AP1S3: variants seen among roughly 807,000 people sequenced by gnomAD.
The protein encoded by AP1S3 is adaptor related protein complex 1 subunit sigma 3.
A neutral mutation model predicts 20.9 loss-of-function variants in AP1S3; 10 were observed. The observed-to-expected ratio is 0.48, with a 90% CI of 0.29 to 0.81. The LOEUF is 0.81. Among genes scored for constraint, AP1S3 ranks in the 30% least tolerant of loss-of-function variants. The pLI is 0.08. For missense variants in AP1S3, 154 were observed against 183.8 expected, an observed-to-expected ratio of 0.84 and a Z score of 0.94; for synonymous variants, 41 against 61.5, an observed-to-expected ratio of 0.67 and a Z score of 1.56.
chr2:223,824,272 G>A (rs1035469621), intron 1 of AP1S3, among the ~76,000 whole-genome samples: 2 of 152,038 alleles, frequency 1.3e-5, no homozygotes, highest in East Asian at 3.9e-4. Flanking sequence ...CAAAGTGCGG[G>A]GATTATAGAT....
chr2:223,787,294 A>T (rs545193405), intron 1 of AP1S3, among the ~76,000 whole-genome samples: 102 of 152,292 alleles, frequency 6.7e-4, no homozygotes, highest in African/African-American at 2.2e-3. Context: ...TTCTTTATAA[A>T]TTACCCAGTC....
At chr2:223,765,052 G>T in intron 4 of AP1S3, 161 bp downstream of exon 4, 2 of 1,024,318 alleles carry the variant, frequency 2.0e-6, no homozygotes, top group Non-Finnish European at 2.6e-6. Context: ...CTACTTTTTC[G>T]AGTTGTTGTG....
rs1258810034 is a variant in AP1S3 at position 223,756,209 on chromosome 2, T to G, written c.*2506A>C. On this transcript the variant is annotated 3_prime_UTR_variant, in exon 5 of 5. Coordinates refer to ENST00000396654, the MANE Select transcript of AP1S3 (RefSeq NM_001039569.2). The stretch of plus-strand genomic sequence containing the variant: ...AAAATTAGCCAGGCGTGGTGGCGCA[T>G]GCCTATAATCCCAGCTACTCGGGAG... The G allele has an allele frequency of 4.2e-6, 1 of 240,582 alleles. No homozygotes were observed. Among genetic ancestry groups the G allele is most frequent in the Non-Finnish European group, 6.7e-6 (1 of 149,300 alleles). The allele number at this position is 240,582 out of a possible 1,614,324, so 14.9% of individuals were successfully genotyped here. A position where few individuals can be genotyped will look rare whatever the true frequency, so the allele number is the denominator to read the frequency against.
At chr2:223,825,312 C>CAAAAAA (rs3080005) in intron 1 of AP1S3, among the ~76,000 whole-genome samples, 1 of 146,118 alleles carries the variant, frequency 6.8e-6, no homozygotes, top group Non-Finnish European at 1.5e-5. Context: ...GACTCCGTCT[C>CAAAAAA]AAAAAAAAAA....
chr2:223,777,891 A>T (rs546398522), intron 1 of AP1S3, 22 bp from the exon 2 acceptor site: 1 of 1,597,102 alleles, frequency 6.3e-7, no homozygotes, highest in African/African-American at 1.3e-5. Context: ...GACACAAAAA[A>T]CAGAACCTGA....
intron 4 of AP1S3, among the ~76,000 whole-genome samples, chr2:223,761,642 T>G (rs2106075632): frequency 6.6e-6 from 1 of 152,272 alleles, no homozygotes; most frequent in Admixed American, 6.5e-5. Flanking sequence ...CCTAGGCTGG[T>G]CTCAAAACTC....
intron 1 of AP1S3, among the ~76,000 whole-genome samples, chr2:223,806,621 G>C (rs1691589806): frequency 6.6e-6 from 1 of 152,064 alleles, no homozygotes; most frequent in African/African-American, 2.4e-5. Context: ...AGCTGTATAT[G>C]ACATAATTTA....
At chr2:223,764,851 T>A (rs922726620) in intron 4 of AP1S3, among the ~76,000 whole-genome samples, 1 of 152,212 alleles carries the variant, frequency 6.6e-6, no homozygotes. Context: ...AGTGAAGGAC[T>A]CTTGCACTCC....
intron 1 of AP1S3, among the ~76,000 whole-genome samples, chr2:223,781,999 T>C (rs78280484): frequency 0.033 from 5,056 of 151,358 alleles, 170 homozygotes; most frequent in East Asian, 0.16. Context: ...GATTTGGAGA[T>C]AGGCTTTAAG....
At chr2:223,773,645 G>A (rs1690683917) in intron 3 of AP1S3, among the ~76,000 whole-genome samples, 1 of 152,142 alleles carries the variant, frequency 6.6e-6, no homozygotes, top group South Asian at 2.1e-4. Flanking sequence ...AATCTTTCCA[G>A]TGTTCATCCT....
intron 1 of AP1S3, among the ~76,000 whole-genome samples, chr2:223,779,761 A>T (rs1690878101): frequency 6.6e-6 from 1 of 152,140 alleles, no homozygotes; most frequent in African/African-American, 2.4e-5. Flanking sequence ...TGAGGTCAGG[A>T]GTTCAAGACC....
At chr2:223,799,550 A>G (rs559829031) in intron 1 of AP1S3, among the ~76,000 whole-genome samples, 1 of 152,284 alleles carries the variant, frequency 6.6e-6, no homozygotes, top group East Asian at 1.9e-4. Context: ...AAAAATCATC[A>G]CTGTTGTTTT....
At chr2:223,789,780 G>A (rs943576891) in intron 1 of AP1S3, among the ~76,000 whole-genome samples, 59 of 149,174 alleles carry the variant, frequency 4.0e-4, no homozygotes, top group African/African-American at 1.4e-3. Flanking sequence ...AGAGGTTGCC[G>A]TGAGCCGAGA....
intron 1 of AP1S3, among the ~76,000 whole-genome samples, chr2:223,831,920 C>CA (rs905465086): frequency 6.6e-6 from 1 of 151,688 alleles, no homozygotes; most frequent in Non-Finnish European, 1.5e-5. Flanking sequence ...ATTAAAAATA[C>CA]AAAAAAATTA....
intron 1 of AP1S3, among the ~76,000 whole-genome samples, chr2:223,832,883 C>T (rs1692309457): frequency 6.8e-6 from 1 of 146,856 alleles, no homozygotes; most frequent in Non-Finnish European, 1.5e-5. Flanking sequence ...TAAGAAATGG[C>T]TTTCCAGTTC....
At chr2:223,828,283 T>C (rs1692180254) in intron 1 of AP1S3, among the ~76,000 whole-genome samples, 1 of 147,122 alleles carries the variant, frequency 6.8e-6, no homozygotes, top group Non-Finnish European at 1.5e-5. Flanking sequence ...CTCACCACAT[T>C]CTCCTCTCTC....
intron 1 of AP1S3, among the ~76,000 whole-genome samples, chr2:223,797,591 G>A (rs1042733428): frequency 7.2e-5 from 11 of 151,922 alleles, no homozygotes; most frequent in Non-Finnish European, 1.2e-4. Context: ...GCACAACCCC[G>A]TTTCTACTAA....
rs1690195370 is a variant in AP1S3, at chr2:223,755,633, C to T, written c.*3082G>A. On this transcript the variant is annotated 3_prime_UTR_variant, in exon 5 of 5. Transcript: ENST00000396654. ...GCAACCTCTGCCTCCCGGGTTCAAG[C>T]GATTCTCCTGCCTCAGCCTCCTGAG... Among the ~76,000 whole-genome samples, 1 of 149,744 alleles carries T rather than the reference C, an allele frequency of 6.7e-6. No individual in the cohort carries two copies. The highest frequency in any genetic ancestry group is 6.8e-5 in the Admixed American group (1 of 14,802).
chr2:223,780,306 TATAGAGAG>T (rs1275098963), intron 1 of AP1S3, among the ~76,000 whole-genome samples: 35 of 45,188 alleles, frequency 7.7e-4, no homozygotes, highest in South Asian at 4.1e-3. Flanking sequence ...TATATATATA[TATAGAGAG>T]AGAGAGAGAG....
Sources: gnomAD v4.1 joint callset for allele counts (sites outside exome capture counted in the v4.1 genomes callset) on GRCh38, gnomAD v4.1.1 for gene constraint, MANE v1.5 for transcripts, NCBI Gene and HGNC (gene_info 2026-07-23, HGNC 2026-07-21) for gene names.